MEIS1: variants seen among roughly 807,000 people sequenced by gnomAD.
The protein encoded by MEIS1 is Meis homeobox 1, also known as homeobox protein Meis1.
In MEIS1, 5 loss-of-function variants were observed where a neutral mutation model predicts 50.8. The ratio of observed to expected loss-of-function variants is 0.10; its 90% confidence interval spans 0.05 to 0.21. The LOEUF (loss-of-function observed/expected upper bound fraction) is 0.21, where lower values mean the gene tolerates loss of function less well. MEIS1 is among the 10% of genes least tolerant of loss of function. The probability of loss-of-function intolerance (pLI) is 1.00; values close to 1 mark genes in which losing one functional copy is unlikely to be tolerated. For synonymous variants in MEIS1, 176 were observed against 179.3 expected (o/e 0.98, Z 0.15); for missense variants, 318 against 517.3 (o/e 0.61, Z 3.74).
intron 6 of MEIS1, among the ~76,000 whole-genome samples, chr2:66,449,579 A>G (rs760314216): frequency 2.0e-5 from 3 of 152,110 alleles, no homozygotes; most frequent in Non-Finnish European, 2.9e-5. Context: ...TACATTGGCC[A>G]ATTGCTGGAA....
At chr2:66,494,611 G>A (rs188444337) in intron 7 of MEIS1, among the ~76,000 whole-genome samples, 12 of 152,276 alleles carry the variant, frequency 7.9e-5, no homozygotes, top group African/African-American at 2.9e-4. Flanking sequence ...GCTATAATTC[G>A]CACATGGAAA....
In MEIS1 at chr2:66,441,472, C is replaced by T; in HGVS notation, c.483+8C>T. ...CTATTGGAATTAGAGAAGGTAATTT[C>T]TCTAGCCTCTTTTCCTTTTACTTAC... On this transcript the variant is annotated splice_region_variant and intron_variant, in intron 5 of 12. Coordinates refer to ENST00000272369, the MANE Select transcript of MEIS1 (RefSeq NM_002398.3). The T allele has an allele frequency of 6.5e-7, 1 of 1,541,572 alleles. No homozygotes were observed. The highest frequency in any genetic ancestry group is 8.7e-7 in the Non-Finnish European group (1 of 1,143,416).
intron 8 of MEIS1, among the ~76,000 whole-genome samples, chr2:66,525,140 G>C (rs1169316748): frequency 1.3e-5 from 2 of 152,152 alleles, no homozygotes; most frequent in African/African-American, 4.8e-5. Context: ...TTGAGCCCAG[G>C]TGGTGGAGGT....
chr2:66,462,432 T>A (rs1356191885), intron 6 of MEIS1, among the ~76,000 whole-genome samples: 1 of 152,224 alleles, frequency 6.6e-6, no homozygotes, highest in Non-Finnish European at 1.5e-5. Context: ...TTACAGTTAA[T>A]GCAATAGTTT....
At chr2:66,476,763 C>T (rs1672903229) in intron 7 of MEIS1, among the ~76,000 whole-genome samples, 1 of 152,154 alleles carries the variant, frequency 6.6e-6, no homozygotes, top group Non-Finnish European at 1.5e-5. Flanking sequence ...CCACACAGTG[C>T]TCCAGCAACC....
At chr2:66,467,060 A>G (rs1432903204) in intron 7 of MEIS1, among the ~76,000 whole-genome samples, 2 of 152,208 alleles carry the variant, frequency 1.3e-5, no homozygotes, top group Non-Finnish European at 1.5e-5. Flanking sequence ...GGCATGTAAC[A>G]GGCTATATAT....
At chr2:66,438,504 T>A (rs577699239) in intron 2 of MEIS1, among the ~76,000 whole-genome samples, 33 of 152,236 alleles carry the variant, frequency 2.2e-4, no homozygotes, top group Non-Finnish European at 2.9e-4. Context: ...GTTTGACCAC[T>A]GAAGTCAAGG....
At chr2:66,437,635 A>G in intron 1 of MEIS1, 102 bp from the exon 2 acceptor site, 1 of 987,344 alleles carries the variant, frequency 1.0e-6, no homozygotes, top group Non-Finnish European at 1.6e-6. Flanking sequence ...TCCGGGTGGA[A>G]GGACCCAGCT....
At chr2:66,559,332 G>A (rs987486778) in intron 9 of MEIS1, among the ~76,000 whole-genome samples, 4 of 152,188 alleles carry the variant, frequency 2.6e-5, no homozygotes, top group African/African-American at 9.7e-5. Context: ...CATGGTTTAT[G>A]CCTGTTGCCC....
chr2:66,537,522 C>G (rs561083093), intron 8 of MEIS1, among the ~76,000 whole-genome samples: 1 of 152,214 alleles, frequency 6.6e-6, no homozygotes, highest in East Asian at 1.9e-4. Flanking sequence ...GGGAGCAGCA[C>G]GAATTCTCCA....
intron 8 of MEIS1, among the ~76,000 whole-genome samples, chr2:66,517,735 G>A (rs1674004561): frequency 6.6e-6 from 1 of 152,126 alleles, no homozygotes; most frequent in African/African-American, 2.4e-5. Flanking sequence ...TACTTGAGGG[G>A]AATATTGGAA....
At chr2:66,438,677 C>T (rs1236124983) in intron 2 of MEIS1, among the ~76,000 whole-genome samples, 1 of 152,176 alleles carries the variant, frequency 6.6e-6, no homozygotes, top group African/African-American at 2.4e-5. Flanking sequence ...TTCTCCTCCG[C>T]CATTCGATTA....
chr2:66,465,687 A>G lies in MEIS1; in HGVS notation c.742+1467A>G, dbSNP rs73937920. Among the ~76,000 whole-genome samples, 1,088 of 152,278 alleles carry G rather than the reference A, an allele frequency of 7.1e-3. 13 individuals carry two copies. The highest frequency in any genetic ancestry group is 0.025 in the African/African-American group (1,041 of 41,566). ...TTTCATTTCTTGCTTTTCAAAACTT[A>G]TATCATCTGAGAATAGGTAGATAGT... On this transcript the variant is annotated intron_variant, in intron 7 of 12. Coordinates refer to ENST00000272369, the MANE Select transcript of MEIS1 (RefSeq NM_002398.3).
intron 8 of MEIS1, among the ~76,000 whole-genome samples, chr2:66,527,633 TG>T (rs1297273408): frequency 1.3e-5 from 2 of 149,480 alleles, no homozygotes; most frequent in Non-Finnish European, 3.0e-5. Context: ...TGTGTGTGTG[TG>T]TGTGTGTTGG....
chr2:66,539,357 G>A (rs539505591), intron 8 of MEIS1, among the ~76,000 whole-genome samples: 110 of 152,304 alleles, frequency 7.2e-4, no homozygotes, highest in Non-Finnish European at 1.2e-3. Context: ...ACACACATAC[G>A]TTAAGATAAT....
chr2:66,453,575 C>T (rs906973694), intron 6 of MEIS1, among the ~76,000 whole-genome samples: 3 of 151,986 alleles, frequency 2.0e-5, no homozygotes, highest in African/African-American at 7.2e-5. Flanking sequence ...CTTTTCCCAA[C>T]TCCAAATTTA....
intron 9 of MEIS1, among the ~76,000 whole-genome samples, chr2:66,559,123 CAGAGAGAGAG>C (rs58790798): frequency 2.0e-5 from 3 of 147,960 alleles, no homozygotes; most frequent in Non-Finnish European, 3.0e-5. Context: ...GCCTGGGTGA[CAGAGAGAGAG>C]AGAGAGAGAG....
chr2:66,567,965 G>GTGCTTTAA (rs1675391532), intron 10 of MEIS1: 1 of 264,918 alleles, frequency 3.8e-6, no homozygotes, highest in African/African-American at 2.2e-5. Context: ...GAGCTTTTGT[G>GTGCTTTAA]TGCTTTAATA....
In MEIS1 at chr2:66,442,929, C is replaced by T. The variant is rs1672032695; in HGVS notation, c.511C>T (p.His171Tyr). Reference sequence around the variant, plus strand: ...ACACGAATTATGTGACAATTTCTGCCACCGGTATATTAGCTGTTTGAAAGG... The same window carrying T: ...ACACGAATTATGTGACAATTTCTGCTACCGGTATATTAGCTGTTTGAAAGG... ...KVHELCDNFC[H>Y]RYISCLKGKM... The change falls in exon 6 of 13, where the codon CAC becomes TAC. Residue 171 changes from histidine to tyrosine, a missense_variant. By Grantham distance (83) the His-to-Tyr change is moderately conservative. Transcript: ENST00000272369. 2 of 1,587,534 alleles carry T rather than the reference C, an allele frequency of 1.3e-6. No homozygotes were observed. The highest frequency in any genetic ancestry group is 1.4e-5 in the African/African-American group (1 of 73,120).
Sources: gnomAD v4.1 joint callset for allele counts (sites outside exome capture counted in the v4.1 genomes callset) on GRCh38, gnomAD v4.1.1 for gene constraint, MANE v1.5 for transcripts, NCBI Gene and HGNC (gene_info 2026-07-23, HGNC 2026-07-21) for gene names.